The following CDH13 variants were observed in gnomAD, a reference collection of about 807,000 sequenced individuals.
The protein encoded by CDH13 is cadherin-13.
Under a neutral mutation model 63.8 loss-of-function variants are expected in CDH13, and 24 were observed. That is an observed-to-expected ratio of 0.38 (90% CI 0.27 to 0.53). CDH13 has a LOEUF of 0.53. Ranked by LOEUF, CDH13 falls within the 20% of genes least tolerant of loss-of-function variation. The pLI, the probability that CDH13 is intolerant of heterozygous loss-of-function variation, is 0.85. For missense variants in CDH13, 1,049 were observed against 903.1 expected (o/e 1.16, Z -2.07); for synonymous variants, 503 against 355.3 (o/e 1.42, Z -4.67).
chr16:83,781,292 A>G (rs1915502804), intron 12 of CDH13, among the ~76,000 whole-genome samples: 1 of 152,200 alleles, frequency 6.6e-6, no homozygotes, highest in Admixed American at 6.5e-5. Flanking sequence ...ACTAACTACC[A>G]AGTTCACCTT....
At chr16:83,647,816 A>C (rs887707184) in intron 8 of CDH13, among the ~76,000 whole-genome samples, 1 of 152,158 alleles carries the variant, frequency 6.6e-6, no homozygotes, top group African/African-American at 2.4e-5. Flanking sequence ...GATTCTGTCC[A>C]GGAGTCTCCT....
At chr16:83,481,893 C>T (rs2073774795) in intron 6 of CDH13, among the ~76,000 whole-genome samples, 1 of 152,178 alleles carries the variant, frequency 6.6e-6, no homozygotes, top group South Asian at 2.1e-4. Context: ...GCTGCATGAG[C>T]TGGTGAAAAC....
intron 1 of CDH13, among the ~76,000 whole-genome samples, chr16:82,669,897 C>T (rs565799260): frequency 2.4e-4 from 36 of 152,206 alleles, no homozygotes; most frequent in Non-Finnish European, 4.6e-4. Flanking sequence ...TTTCTCCTGG[C>T]CCCATTGGCA....
intron 1 of CDH13, among the ~76,000 whole-genome samples, chr16:82,837,829 C>G (rs773214996): frequency 2.0e-4 from 30 of 152,190 alleles, no homozygotes; most frequent in Non-Finnish European, 3.7e-4. Flanking sequence ...ATAGTTCATA[C>G]AAACATGAGG....
chr16:83,605,328 T>C (rs1908223774), intron 8 of CDH13, among the ~76,000 whole-genome samples: 1 of 152,212 alleles, frequency 6.6e-6, no homozygotes, highest in Admixed American at 6.5e-5. Flanking sequence ...TTTAAATTCA[T>C]GATTAAACTT....
At chr16:83,165,587 G>A (rs1227001580) in intron 4 of CDH13, among the ~76,000 whole-genome samples, 4 of 152,058 alleles carry the variant, frequency 2.6e-5, no homozygotes, top group African/African-American at 7.2e-5. Flanking sequence ...GTGGACAGTG[G>A]GTACAGGGTA....
chr16:82,896,383 C>A (rs1321086205), intron 2 of CDH13, among the ~76,000 whole-genome samples: 1 of 146,458 alleles, frequency 6.8e-6, no homozygotes, highest in African/African-American at 2.5e-5. Flanking sequence ...TCTTGGCCTC[C>A]TGGACTCAAG....
intron 2 of CDH13, among the ~76,000 whole-genome samples, chr16:82,892,696 C>G (rs969011047): frequency 1.3e-5 from 2 of 152,144 alleles, no homozygotes; most frequent in African/African-American, 2.4e-5. Flanking sequence ...TTAAAAATAA[C>G]TAGAGAAACA....
chr16:83,202,385 G>A (rs961781727), intron 4 of CDH13, among the ~76,000 whole-genome samples: 1 of 152,140 alleles, frequency 6.6e-6, no homozygotes, highest in African/African-American at 2.4e-5. Context: ...TTCCTGAGGG[G>A]ACTTGAATTT....
intron 2 of CDH13, chr16:82,884,110 AAT>A: frequency 2.2e-6 from 1 of 449,324 alleles, no homozygotes; most frequent in South Asian, 1.6e-5. Context: ...AATAAATACA[AAT>A]ATTGTTGATT....
intron 3 of CDH13, 75 bp downstream of exon 3, chr16:83,032,293 C>A (rs189485423): frequency 1.8e-6 from 2 of 1,112,260 alleles, no homozygotes; most frequent in African/African-American, 1.5e-5. Context: ...GAAAATGGGT[C>A]TTTAATTTAT....
In CDH13 at chr16:83,241,586, T is replaced by A. The variant is rs189713011; in HGVS notation, c.636+24089T>A. On this transcript the variant is annotated intron_variant, in intron 5 of 13. Coordinates refer to ENST00000567109, the MANE Select transcript of CDH13 (RefSeq NM_001257.5). ...TTTGCATTTCTTTTAGGATTAGTGATGTTCAGCATTTTTTCATATGCTCAT... is the reference window on the plus strand; with the variant it reads ...TTTGCATTTCTTTTAGGATTAGTGAAGTTCAGCATTTTTTCATATGCTCAT... 4.2e-3 allele frequency among the ~76,000 whole-genome samples: 643 copies of A among 152,356 alleles called. 2 individuals carry two copies. The highest frequency in any genetic ancestry group is 7.3e-3 in the South Asian group (35 of 4,826).
chr16:82,666,995 C>A (rs1288200572), intron 1 of CDH13, among the ~76,000 whole-genome samples: 1 of 152,156 alleles, frequency 6.6e-6, no homozygotes, highest in Admixed American at 6.5e-5. Flanking sequence ...CTTAAACACG[C>A]TTTGCCCTAC....
intron 6 of CDH13, among the ~76,000 whole-genome samples, chr16:83,443,096 A>C (rs76825359): frequency 0.15 from 23,017 of 152,280 alleles, 1,913 homozygotes; most frequent in Middle Eastern, 0.21. Context: ...AGCAGACTGA[A>C]GTTTGCAACT....
chr16:83,207,577 C>T (rs2039219607), intron 4 of CDH13, among the ~76,000 whole-genome samples: 1 of 152,082 alleles, frequency 6.6e-6, no homozygotes, highest in South Asian at 2.1e-4. Context: ...TGTGAGAAAT[C>T]CTACAGAATG....
chr16:83,455,818 T>C (rs1223915472), intron 6 of CDH13, among the ~76,000 whole-genome samples: 1 of 152,240 alleles, frequency 6.6e-6, no homozygotes, highest in Non-Finnish European at 1.5e-5. Context: ...CAGCTTTCCC[T>C]GTGGACAAGT....
chr16:83,343,799 A>G (rs373274254), intron 5 of CDH13, among the ~76,000 whole-genome samples: 1 of 152,220 alleles, frequency 6.6e-6, no homozygotes, highest in Non-Finnish European at 1.5e-5. Context: ...CCCAAGGTCA[A>G]ATCTGGACTC....
intron 8 of CDH13, among the ~76,000 whole-genome samples, chr16:83,605,587 A>C (rs561687640): frequency 6.6e-6 from 1 of 152,308 alleles, no homozygotes; most frequent in African/African-American, 2.4e-5. Context: ...GCTAATGACT[A>C]AAAGAACCTA....
intron 1 of CDH13, among the ~76,000 whole-genome samples, chr16:82,757,027 C>G (rs1031004287): frequency 9.9e-5 from 15 of 152,136 alleles, no homozygotes; most frequent in African/African-American, 3.4e-4. Context: ...GCCTGGCAAA[C>G]TGTTACTTGC....
Sources: gnomAD v4.1 joint callset for allele counts (sites outside exome capture counted in the v4.1 genomes callset) on GRCh38, gnomAD v4.1.1 for gene constraint, MANE v1.5 for transcripts, NCBI Gene and HGNC (gene_info 2026-07-23, HGNC 2026-07-21) for gene names.